Variants in BRINP3 observed in about 807,000 individuals in gnomAD.
BRINP3 encodes BMP/retinoic acid-inducible neural-specific protein 3.
BRINP3 carries 19 observed loss-of-function variants against 71.0 expected under a neutral mutation model. The ratio of observed to expected loss-of-function variants is 0.27; its 90% CI spans 0.19 to 0.39. BRINP3 has a LOEUF of 0.39. BRINP3 is among the 10% of genes least tolerant of loss of function. The pLI is 1.00. For synonymous variants in BRINP3, 380 were observed against 337.7 expected (o/e 1.13, Z -1.37); for missense variants, 959 against 940.8 (o/e 1.02, Z -0.25).
intron 2 of BRINP3, among the ~76,000 whole-genome samples, chr1:190,426,525 G>C (rs1277253496): frequency 6.6e-6 from 1 of 150,898 alleles, no homozygotes; most frequent in Non-Finnish European, 1.5e-5. Context: ...CATTTCTTTT[G>C]ATTGGCATGT....
chr1:190,448,487 G>T (rs2102598379), intron 2 of BRINP3, among the ~76,000 whole-genome samples: 1 of 151,328 alleles, frequency 6.6e-6, no homozygotes, highest in South Asian at 2.1e-4. Context: ...GTGTGTGTGT[G>T]TGTGTGATCT....
At chr1:190,185,182 G>T (rs1454845100) in intron 6 of BRINP3, among the ~76,000 whole-genome samples, 1 of 152,044 alleles carries the variant, frequency 6.6e-6, no homozygotes, top group African/African-American at 2.4e-5. Context: ...CATAGAATGG[G>T]AGAAAATATT....
chr1:190,146,405 A>G (rs1035089871), intron 7 of BRINP3, among the ~76,000 whole-genome samples: 1 of 152,210 alleles, frequency 6.6e-6, no homozygotes, highest in African/African-American at 2.4e-5. Flanking sequence ...AAATTGCTAC[A>G]TACACGTGAG....
chr1:190,105,325 T>A (rs1652059515), intron 7 of BRINP3, among the ~76,000 whole-genome samples: 1 of 152,006 alleles, frequency 6.6e-6, no homozygotes, highest in Non-Finnish European at 1.5e-5. Context: ...TTTAATTTAT[T>A]AACCTAAATT....
chr1:190,186,275 G>A (rs1245591808), intron 6 of BRINP3, among the ~76,000 whole-genome samples: 1 of 152,022 alleles, frequency 6.6e-6, no homozygotes, highest in Non-Finnish European at 1.5e-5. Flanking sequence ...CTACTTGGAA[G>A]GCTGAGGCTT....
intron 2 of BRINP3, among the ~76,000 whole-genome samples, chr1:190,380,516 C>T (rs1363638831): frequency 6.6e-6 from 1 of 152,066 alleles, no homozygotes; most frequent in African/African-American, 2.4e-5. Flanking sequence ...AAAATAGTTG[C>T]ATTTAACACT....
At chr1:190,149,351 T>C (rs1168345457) in intron 7 of BRINP3, among the ~76,000 whole-genome samples, 1 of 152,222 alleles carries the variant, frequency 6.6e-6, no homozygotes, top group East Asian at 1.9e-4. Flanking sequence ...CAGCTTCAGC[T>C]TCATTCCTGT....
chr1:190,304,945 G>T (rs1238165064), intron 2 of BRINP3, among the ~76,000 whole-genome samples: 2 of 151,756 alleles, frequency 1.3e-5, no homozygotes, highest in Non-Finnish European at 2.9e-5. Flanking sequence ...GTTAAAAACT[G>T]GGCAAAAAAT....
intron 1 of BRINP3, among the ~76,000 whole-genome samples, chr1:190,476,836 A>T (rs990569863): frequency 3.3e-5 from 5 of 152,166 alleles, no homozygotes; most frequent in Non-Finnish European, 7.4e-5. Flanking sequence ...TAACGTGCTT[A>T]TGTGTGATTT....
chr1:190,212,771 C>T (rs1255442383), intron 6 of BRINP3, among the ~76,000 whole-genome samples: 2 of 152,026 alleles, frequency 1.3e-5, no homozygotes, highest in Non-Finnish European at 2.9e-5. Context: ...CCTCCATTAC[C>T]AAATCATTCA....
At chr1:190,111,199 A>AAAC (rs1553241584) in intron 7 of BRINP3, among the ~76,000 whole-genome samples, 29 of 149,492 alleles carry the variant, frequency 1.9e-4, no homozygotes, top group African/African-American at 7.3e-4. Context: ...AAAAAAAAAA[A>AAAC]AAAAAAAAAC....
chr1:190,198,776 C>G (rs893958052), intron 6 of BRINP3, among the ~76,000 whole-genome samples: 2 of 152,138 alleles, frequency 1.3e-5, no homozygotes, highest in African/African-American at 2.4e-5. Flanking sequence ...ACAAAATCAA[C>G]AAGTCTCTAA....
intron 4 of BRINP3, among the ~76,000 whole-genome samples, chr1:190,239,763 C>G (rs914446468): frequency 2.0e-5 from 3 of 151,902 alleles, no homozygotes; most frequent in African/African-American, 7.2e-5. Flanking sequence ...TATCTACTTA[C>G]CTGTTTTTAT....
rs531555875 is a variant in BRINP3 at position 190,448,460 on chromosome 1, G to GGGGTGT, written c.236+6194_236+6195insACACCC. On this transcript the variant is annotated intron_variant, in intron 2 of 7. Coordinates refer to ENST00000367462, the MANE Select transcript of BRINP3 (RefSeq NM_199051.3). ...TTTTTCTTAACACCCCTACACTTGG[G>GGGGTGT]GTTTGTGTGTGTGTGTGTGTGTGTG... is the stretch of plus-strand genomic sequence containing the variant. Among the ~76,000 whole-genome samples, 466 of 65,576 alleles carry GGGGTGT rather than the reference G, an allele frequency of 7.1e-3. 3 individuals are homozygous for GGGGTGT. Among genetic ancestry groups the GGGGTGT allele is most frequent in the African/African-American group, 0.02 (382 of 19,272 alleles). 43.0% of individuals were successfully genotyped at this position (65,576 alleles called of 152,430 possible). A position where few individuals can be genotyped will look rare whatever the true frequency, so the allele number is the denominator to read the frequency against.
chr1:190,304,413 A>G (rs748035374), intron 2 of BRINP3, among the ~76,000 whole-genome samples: 42 of 151,906 alleles, frequency 2.8e-4, no homozygotes, highest in Non-Finnish European at 5.0e-4. Flanking sequence ...CCAAACTGAT[A>G]CTGGTATAAG....
At chr1:190,437,011 A>T (rs1674508279) in intron 2 of BRINP3, among the ~76,000 whole-genome samples, 1 of 151,796 alleles carries the variant, frequency 6.6e-6, no homozygotes. Context: ...TGCCCATTTT[A>T]TGAAGGCAAA....
chr1:190,471,508 A>C (rs1163614624), intron 1 of BRINP3, among the ~76,000 whole-genome samples: 2 of 151,408 alleles, frequency 1.3e-5, no homozygotes. Context: ...GAAAGTGGAC[A>C]GAGTTATACT....
intron 1 of BRINP3, among the ~76,000 whole-genome samples, chr1:190,465,758 G>A (rs1676702697): frequency 6.6e-6 from 1 of 151,728 alleles, no homozygotes; most frequent in Admixed American, 6.6e-5. Context: ...AGCCCACCTT[G>A]AATAAGGTCT....
At chr1:190,320,310 C>A (rs910587907) in intron 2 of BRINP3, among the ~76,000 whole-genome samples, 1 of 151,878 alleles carries the variant, frequency 6.6e-6, no homozygotes, top group South Asian at 2.1e-4. Context: ...TTTAGTGAAC[C>A]AGTGAGTGAT....
Sources: gnomAD v4.1 joint callset for allele counts (sites outside exome capture counted in the v4.1 genomes callset) on GRCh38, gnomAD v4.1.1 for gene constraint, MANE v1.5 for transcripts, NCBI Gene and HGNC (gene_info 2026-07-23, HGNC 2026-07-21) for gene names.